Variants in TULP4 observed in about 807,000 individuals in gnomAD.
The protein encoded by TULP4 is tubby-related protein 4.
In TULP4, 16 loss-of-function variants were observed where a neutral mutation model predicts 129.0. That is an observed-to-expected ratio of 0.12 (90% CI 0.08 to 0.19). The LOEUF is 0.19. Among genes scored for constraint, TULP4 ranks in the 10% least tolerant of loss-of-function variants. TULP4 has a pLI of 1.00. For synonymous variants in TULP4, 998 were observed against 854.0 expected (o/e 1.17, Z -2.94); for missense variants, 1,842 against 2,059.1 (o/e 0.89, Z 2.04).
intron 3 of TULP4, among the ~76,000 whole-genome samples, chr6:158,445,552 G>C (rs77078217): frequency 6.8e-4 from 103 of 152,250 alleles, no homozygotes; most frequent in African/African-American, 2.4e-3. Flanking sequence ...TGGGAGACAG[G>C]CACGCAAAAC....
intron 1 of TULP4, among the ~76,000 whole-genome samples, chr6:158,275,513 G>A (rs1347005620): frequency 3.9e-5 from 6 of 152,156 alleles, no homozygotes; most frequent in African/African-American, 9.7e-5. Context: ...AAGTCTAGCC[G>A]TCTGGATGGC....
At position 158,506,643 on chromosome 6, in the gene TULP4, C is replaced by T. The variant is rs757562261; in HGVS notation, c.4581C>T (p.Ala1527=). 8.7e-6 allele frequency: 14 copies of T among 1,613,970 alleles called. No individual in the cohort carries two copies. Among genetic ancestry groups the T allele is most frequent in the Admixed American group, 5.0e-5 (3 of 59,996 alleles). ...YILDFQYPFS[A]VQAFAVALAN... The stretch of plus-strand genomic sequence containing the variant: ...TAGACTTCCAGTATCCGTTCTCAGC[C>T]GTGCAGGCCTTTGCAGTTGCCCTGG... Residue 1527 remains alanine (A), a synonymous_variant, in exon 14 of 14, where the codon GCC becomes GCT. Transcript: ENST00000367097.
intron 2 of TULP4, among the ~76,000 whole-genome samples, chr6:158,421,501 TAGAA>T (rs1033205837): frequency 5.9e-5 from 9 of 152,218 alleles, no homozygotes; most frequent in Non-Finnish European, 1.0e-4. Flanking sequence ...CCGGGATTGA[TAGAA>T]AGATAATGTT....
At chr6:158,282,920 T>A (rs1583702450) in intron 1 of TULP4, 1 of 151,744 alleles carries the variant, frequency 6.6e-6, no homozygotes, top group African/African-American at 2.4e-5. Context: ...GGCGGGCGGG[T>A]CACTTGAGGT....
At chr6:158,233,176 TC>T (rs1777630124) in intron 1 of TULP4, among the ~76,000 whole-genome samples, 2 of 152,186 alleles carry the variant, frequency 1.3e-5, no homozygotes, top group South Asian at 4.1e-4. Flanking sequence ...TCCGTTAGGG[TC>T]CTAATTCCTT....
At position 158,378,463 on chromosome 6, in the gene TULP4, G is replaced by GTTTTTTTTTTTTT. The variant is rs61250704; in HGVS notation, c.253-34592_253-34580dup. 1.7e-4 allele frequency among the ~76,000 whole-genome samples: 9 copies of GTTTTTTTTTTTTT among 53,638 alleles called. 2 individuals are homozygous for GTTTTTTTTTTTTT. The highest frequency in any genetic ancestry group is 2.3e-4 in the African/African-American group (2 of 8,538). The allele number at this position is 53,638 out of a possible 152,430, so 35.2% of individuals were successfully genotyped here. On this transcript the variant is annotated intron_variant, in intron 1 of 13. Coordinates refer to ENST00000367097, the MANE Select transcript of TULP4 (RefSeq NM_020245.5). ...TTGAGCAGTTAGGATGGGGGAGCCA[G>GTTTTTTTTTTTTT]TTTTTTTTTTTTTTTTTTTTTTGGT... is the stretch of plus-strand genomic sequence containing the variant.
chr6:158,435,366 T>C (rs1310110747), intron 3 of TULP4, among the ~76,000 whole-genome samples: 3 of 152,170 alleles, frequency 2.0e-5, no homozygotes. Context: ...TGCGGTCTCC[T>C]TGGCAGCCTG....
intron 1 of TULP4, among the ~76,000 whole-genome samples, chr6:158,315,779 G>A (rs9355648): frequency 0.15 from 22,989 of 152,198 alleles, 2,458 homozygotes; most frequent in East Asian, 0.43. Context: ...TCCATAAATG[G>A]CACCTCGTTC....
At chr6:158,458,498 GA>G (rs1779345346) in intron 5 of TULP4, among the ~76,000 whole-genome samples, 2 of 152,160 alleles carry the variant, frequency 1.3e-5, no homozygotes, top group Admixed American at 1.3e-4. Flanking sequence ...TAGGAAAAGG[GA>G]AAAGAGGCCT....
chr6:158,234,160 C>T (rs1441757802), intron 1 of TULP4, among the ~76,000 whole-genome samples: 1 of 152,162 alleles, frequency 6.6e-6, no homozygotes, highest in Non-Finnish European at 1.5e-5. Flanking sequence ...GTGTATAAAT[C>T]ATATTTATCT....
chr6:158,299,394 T>C (rs1199143016), intron 1 of TULP4, among the ~76,000 whole-genome samples: 1 of 152,182 alleles, frequency 6.6e-6, no homozygotes, highest in African/African-American at 2.4e-5. Context: ...ATTAAAGTTT[T>C]AGATGGGCCC....
At chr6:158,447,064 C>T (rs960623119) in intron 3 of TULP4, among the ~76,000 whole-genome samples, 2 of 152,130 alleles carry the variant, frequency 1.3e-5, no homozygotes, top group African/African-American at 4.8e-5. Context: ...CACACAATCC[C>T]ACAGTAAAGG....
At chr6:158,369,642 G>T (rs946043373) in intron 1 of TULP4, among the ~76,000 whole-genome samples, 3 of 152,224 alleles carry the variant, frequency 2.0e-5, no homozygotes, top group African/African-American at 7.2e-5. Flanking sequence ...AAAGGCGGGA[G>T]CTGAAGTGGT....
At chr6:158,397,320 C>T (rs185085570) in intron 1 of TULP4, among the ~76,000 whole-genome samples, 3 of 152,274 alleles carry the variant, frequency 2.0e-5, no homozygotes, top group Admixed American at 2.0e-4. Context: ...TTCTCCTTTC[C>T]TGTCAGGTTA....
intron 1 of TULP4, among the ~76,000 whole-genome samples, chr6:158,335,716 C>T (rs1213846412): frequency 1.3e-5 from 2 of 152,178 alleles, no homozygotes; most frequent in African/African-American, 2.4e-5. Context: ...TCGCTGTTTT[C>T]GTTTAACATC....
intron 5 of TULP4, among the ~76,000 whole-genome samples, 169 bp downstream of exon 5, chr6:158,452,437 A>G (rs1463149182): frequency 6.6e-6 from 1 of 152,220 alleles, no homozygotes; most frequent in Non-Finnish European, 1.5e-5. Context: ...TCCTTTGCTT[A>G]TCTGATAAGT....
At chr6:158,344,750 T>C (rs1241780828) in intron 1 of TULP4, among the ~76,000 whole-genome samples, 2 of 152,212 alleles carry the variant, frequency 1.3e-5, no homozygotes, top group Non-Finnish European at 2.9e-5. Context: ...TACGGTGATC[T>C]CTAAGTGTTC....
chr6:158,359,270 A>G (rs56341445), intron 1 of TULP4, among the ~76,000 whole-genome samples: 5 of 152,300 alleles, frequency 3.3e-5, no homozygotes, highest in Admixed American at 6.5e-5. Context: ...TTCTTTGCCA[A>G]TTACTGCTGT....
intron 1 of TULP4, among the ~76,000 whole-genome samples, chr6:158,366,423 AGGCT>A (rs1221450842): frequency 6.6e-6 from 1 of 152,158 alleles, no homozygotes; most frequent in Non-Finnish European, 1.5e-5. Flanking sequence ...TTCCCTTCGA[AGGCT>A]GCAGGCTCTT....
Sources: gnomAD v4.1 joint callset for allele counts (sites outside exome capture counted in the v4.1 genomes callset) on GRCh38, gnomAD v4.1.1 for gene constraint, MANE v1.5 for transcripts, NCBI Gene and HGNC (gene_info 2026-07-23, HGNC 2026-07-21) for gene names.